IGBP1C: variants seen among roughly 807,000 people sequenced by gnomAD.
The protein encoded by IGBP1C is IGBP1 family member C, also known as immunoglobulin-binding protein 1 family member C.
At chr17:58,679,698 C>T in the IGBP1C span, 1 of 152,296 alleles carries the variant, frequency 6.6e-6, no homozygotes, top group East Asian at 1.9e-4. Flanking sequence ...TATGAGTCCC[C>T]AGCGCTGCCT....
At chr17:58,672,133 T>C in the IGBP1C span, among the ~76,000 whole-genome samples, 1 of 152,136 alleles carries the variant, frequency 6.6e-6, no homozygotes, top group Non-Finnish European at 1.5e-5. Context: ...CAGTTCACAA[T>C]AGGTTTCACG....
At chr17:58,684,961 C>T in the IGBP1C span, among the ~76,000 whole-genome samples, 4 of 151,600 alleles carry the variant, frequency 2.6e-5, no homozygotes, top group East Asian at 7.7e-4. Context: ...AACTCAGTCC[C>T]CCAAAAAATC....
At chr17:58,661,266 TAA>T in the IGBP1C span, 1 of 802,656 alleles carries the variant, frequency 1.2e-6, no homozygotes. Context: ...AAGTATTTTA[TAA>T]AGTGTTCGCG....
At chr17:58,667,576 C>T in the IGBP1C span, among the ~76,000 whole-genome samples, 2 of 152,108 alleles carry the variant, frequency 1.3e-5, no homozygotes, top group African/African-American at 4.8e-5. Context: ...GGATAAAGAA[C>T]CTGAGGCATG....
chr17:58,687,189 G>A, the IGBP1C span, among the ~76,000 whole-genome samples: 42 of 152,174 alleles, frequency 2.8e-4, no homozygotes, highest in African/African-American at 1.0e-3. Flanking sequence ...TCACTCCCTG[G>A]CACTGAGGTT....
the IGBP1C span, among the ~76,000 whole-genome samples, chr17:58,681,247 G>A: frequency 2.0e-5 from 3 of 151,744 alleles, no homozygotes; most frequent in Admixed American, 6.6e-5. Context: ...CAACAAGATC[G>A]AAACTCCATC....
chr17:58,683,891 C>T, the IGBP1C span, among the ~76,000 whole-genome samples: 175 of 151,140 alleles, frequency 1.2e-3, 1 homozygote, highest in Middle Eastern at 6.9e-3. Context: ...ATGATGAAAC[C>T]CCATCTCTAC....
the IGBP1C span, among the ~76,000 whole-genome samples, chr17:58,671,826 G>C: frequency 2.1e-4 from 32 of 152,276 alleles, no homozygotes; most frequent in African/African-American, 7.5e-4. Context: ...CTCACTGCCA[G>C]AGAAGCTCAT....
At chr17:58,680,930 G>T in the IGBP1C span, among the ~76,000 whole-genome samples, 2 of 151,240 alleles carry the variant, frequency 1.3e-5, no homozygotes, top group Non-Finnish European at 2.9e-5. Flanking sequence ...TTTTTTCCTT[G>T]TCACTGACTT....
chr17:58,676,569 G>T, the IGBP1C span, among the ~76,000 whole-genome samples: 2 of 151,934 alleles, frequency 1.3e-5, no homozygotes, highest in Admixed American at 1.3e-4. Context: ...TCAAACAAAA[G>T]AAAACAAAAC....
the IGBP1C span, among the ~76,000 whole-genome samples, chr17:58,685,544 T>C: frequency 6.8e-6 from 1 of 147,818 alleles, no homozygotes; most frequent in Non-Finnish European, 1.5e-5. Context: ...AGGGATGAGG[T>C]CTAGCACACA....
At chr17:58,685,449 A>AG in the IGBP1C span, among the ~76,000 whole-genome samples, 2 of 151,888 alleles carry the variant, frequency 1.3e-5, no homozygotes, top group East Asian at 3.9e-4. Context: ...AAAAAAAAAA[A>AG]AGAATGTCAG....
the IGBP1C span, among the ~76,000 whole-genome samples, chr17:58,669,530 T>C: frequency 6.6e-6 from 1 of 151,530 alleles, no homozygotes; most frequent in Non-Finnish European, 1.5e-5. Flanking sequence ...GGTCAGGAGT[T>C]CGAAACCAGC....
the IGBP1C span, among the ~76,000 whole-genome samples, chr17:58,681,296 G>C: frequency 6.6e-6 from 1 of 151,878 alleles, no homozygotes; most frequent in African/African-American, 2.4e-5. Context: ...TAAAAATCTT[G>C]CTAAACAAGC....
chr17:58,684,082 A>AAAGGTAACATTTCATATAG, the IGBP1C span, among the ~76,000 whole-genome samples: 1 of 151,926 alleles, frequency 6.6e-6, no homozygotes, highest in South Asian at 2.1e-4. Context: ...AGTATACGAT[A>AAAGGTAACATTTCATATAG]AAGGTAACAT....
At chr17:58,674,242 C>T in the IGBP1C span, among the ~76,000 whole-genome samples, 857 of 151,366 alleles carry the variant, frequency 5.7e-3, 5 homozygotes, top group African/African-American at 9.2e-3. Flanking sequence ...CACCACTGCA[C>T]TCCAGCCTGG....
chr17:58,666,690 G>A, the IGBP1C span: 2 of 152,112 alleles, frequency 1.3e-5, no homozygotes, highest in Non-Finnish European at 2.9e-5. Flanking sequence ...CTCCTGACAG[G>A]TAATTATGAG....
At chr17:58,667,665 A>C in the IGBP1C span, among the ~76,000 whole-genome samples, 3 of 152,108 alleles carry the variant, frequency 2.0e-5, no homozygotes, top group Non-Finnish European at 4.4e-5. Context: ...TGGGCGAATC[A>C]CTTGAGGTCA....
the IGBP1C span, chr17:58,679,678 G>A: frequency 2.6e-5 from 4 of 152,128 alleles, no homozygotes; most frequent in African/African-American, 7.2e-5. Flanking sequence ...TATTTCCCTT[G>A]CCAGTTAAGT....
Sources: gnomAD v4.1 joint callset for allele counts (sites outside exome capture counted in the v4.1 genomes callset) on GRCh38, gnomAD v4.1.1 for gene constraint, MANE v1.5 for transcripts, NCBI Gene and HGNC (gene_info 2026-07-23, HGNC 2026-07-21) for gene names.